GANC: variants seen among roughly 807,000 people sequenced by gnomAD.
GANC encodes the protein neutral alpha-glucosidase C.
In GANC, 117 loss-of-function variants were observed where a neutral mutation model predicts 124.2. The observed-to-expected ratio is 0.94, with a 90% CI of 0.81 to 1.10. The LOEUF (loss-of-function observed/expected upper bound fraction) is 1.10. GANC is among the 50% of genes least tolerant of loss of function. The pLI is 0.00. For missense variants in GANC, 1,140 were observed against 1,095.0 expected (o/e 1.04, Z -0.58); for synonymous variants, 377 against 376.8 (o/e 1.00, Z -0.01).
chr15:42,306,058 G>T (rs375829745), intron 6 of GANC, among the ~76,000 whole-genome samples: 1 of 148,398 alleles, frequency 6.7e-6, no homozygotes, highest in Admixed American at 6.8e-5. Flanking sequence ...ACAGAGTCTC[G>T]CTGTGTCGCC....
At chr15:42,327,652 G>C (rs1211637429) in intron 13 of GANC, among the ~76,000 whole-genome samples, 1 of 152,108 alleles carries the variant, frequency 6.6e-6, no homozygotes, top group Non-Finnish European at 1.5e-5. Context: ...CTGTGATTTT[G>C]ACCTCTATTA....
At position 42,274,359 on chromosome 15, in the gene GANC, C is replaced by A. The variant is rs1409735627; in HGVS notation, c.-123C>A. ...ATGAGAATCTGGAGGGGACTCCCTT[C>A]CCAGAAACTTGACGATGAAGTACTG... On this transcript the variant is annotated 5_prime_UTR_variant, in exon 1 of 24. Transcript: ENST00000318010. The A allele has an allele frequency of 2.0e-6, 2 of 1,019,060 alleles. No individual in the cohort carries two copies. The highest frequency in any genetic ancestry group is 2.9e-6 in the Non-Finnish European group (2 of 683,012). The allele number at this position is 1,019,060 out of a possible 1,614,324, so 63.1% of individuals were successfully genotyped here.
chr15:42,330,770 C>CTTTTTTTTT (rs71108160), intron 15 of GANC, 98 bp downstream of exon 15: 54 of 361,034 alleles, frequency 1.5e-4, no homozygotes, highest in South Asian at 3.3e-4. Context: ...CTTCCTTTTC[C>CTTTTTTTTT]TTTTTTTTTT....
intron 11 of GANC, among the ~76,000 whole-genome samples, chr15:42,322,411 G>C (rs1470594413): frequency 6.6e-6 from 1 of 152,176 alleles, no homozygotes; most frequent in Non-Finnish European, 1.5e-5. Flanking sequence ...GAGCAGGGGT[G>C]GCTCCCAAGC....
At chr15:42,344,119 C>A (rs903443844) in intron 19 of GANC, among the ~76,000 whole-genome samples, 1 of 152,252 alleles carries the variant, frequency 6.6e-6, no homozygotes, top group African/African-American at 2.4e-5. Context: ...TCTCCCTCAA[C>A]ATAGCTTTAC....
At chr15:42,327,283 C>A in intron 12 of GANC, 80 bp from the exon 13 acceptor site, 1 of 1,074,198 alleles carries the variant, frequency 9.3e-7, no homozygotes, top group South Asian at 1.6e-5. Context: ...CCAGCTCTCA[C>A]ATCTGATACC....
intron 3 of GANC, among the ~76,000 whole-genome samples, chr15:42,279,502 G>A (rs1443125827): frequency 6.6e-6 from 1 of 152,192 alleles, no homozygotes. Flanking sequence ...GAGGGTTAGG[G>A]AAGTATATCT....
chr15:42,306,970 A>G (rs1049141593), intron 7 of GANC, among the ~76,000 whole-genome samples: 2 of 152,176 alleles, frequency 1.3e-5, no homozygotes, highest in African/African-American at 4.8e-5. Flanking sequence ...ACTCTGTTGC[A>G]ACATTTCAAG....
chr15:42,278,025 G>A (rs1220724114), intron 2 of GANC: 1 of 392,460 alleles, frequency 2.5e-6, no homozygotes, highest in African/African-American at 2.0e-5. Context: ...TGTTTAATAG[G>A]AAGAAAAGCG....
chr15:42,274,387 T>G lies in GANC; in HGVS notation c.-95T>G. The G allele has an allele frequency of 2.3e-6, 3 of 1,313,410 alleles. No homozygotes were observed. The highest frequency in any genetic ancestry group is 3.2e-6 in the Non-Finnish European group (3 of 933,836). The allele number at this position is 1,313,410 out of a possible 1,614,324, so 81.4% of individuals were successfully genotyped here. On this transcript the variant is annotated 5_prime_UTR_variant, in exon 1 of 24. Coordinates refer to ENST00000318010, the MANE Select transcript of GANC (RefSeq NM_198141.3). The stretch of plus-strand genomic sequence containing the variant: ...AGAAACTTGACGATGAAGTACTGGT[T>G]GTAATTTTAGAAAGACACCCAATCG...
At position 42,326,441 on chromosome 15, in the gene GANC, T is replaced by C; in HGVS notation, c.1420+17T>C. 6.2e-7 allele frequency: 1 copy of C among 1,613,830 alleles called. No individual in the cohort carries two copies. The highest frequency in any genetic ancestry group is 8.5e-7 in the Non-Finnish European group (1 of 1,179,796). On this transcript the variant is annotated intron_variant, in intron 12 of 23. Transcript: ENST00000318010. Reference sequence around the variant, plus strand: ...GTTGGCCAGGTATGAAATCACTTTATACACTTATTATTTCCACATGTTCTG... The same window carrying C: ...GTTGGCCAGGTATGAAATCACTTTACACACTTATTATTTCCACATGTTCTG...
chr15:42,292,941 C>T, intron 5 of GANC, 24 bp downstream of exon 5: 1 of 1,600,458 alleles, frequency 6.2e-7, no homozygotes, highest in East Asian at 2.2e-5. Flanking sequence ...TTACTTGACA[C>T]ATAAAGACCT....
rs527815727 is a variant in GANC at position 42,323,451 on chromosome 15, A to G, written c.1293+1431A>G. On this transcript the variant is annotated intron_variant, in intron 11 of 23. Coordinates refer to ENST00000318010, the MANE Select transcript of GANC (RefSeq NM_198141.3). ...AGAAAGAGAAGATTGTATCCTCAAG[A>G]CTTAAGCAGGGCTTTGTTCCAGAGG... Among the ~76,000 whole-genome samples the G allele has an allele frequency of 8.5e-5, 13 of 152,208 alleles. No individual in the cohort carries two copies. In the East Asian group the frequency reaches 2.5e-3, roughly 29 times the overall value.
intron 3 of GANC, among the ~76,000 whole-genome samples, chr15:42,282,680 A>G (rs2051745482): frequency 6.6e-6 from 1 of 152,140 alleles, no homozygotes; most frequent in Non-Finnish European, 1.5e-5. Flanking sequence ...CTCCCTCTCA[A>G]TTCCCTTCCC....
At chr15:42,332,113 C>A (rs1345949141) in intron 15 of GANC, among the ~76,000 whole-genome samples, 1 of 152,054 alleles carries the variant, frequency 6.6e-6, no homozygotes. Flanking sequence ...TAACTATAGT[C>A]ACCTTACTGA....
intron 15 of GANC, among the ~76,000 whole-genome samples, chr15:42,337,009 A>C (rs1595782727): frequency 6.6e-6 from 1 of 152,276 alleles, no homozygotes; most frequent in East Asian, 1.9e-4. Flanking sequence ...TTGCAGAGAA[A>C]GGACAATGCT....
chr15:42,337,608 A>C (rs764233995), intron 15 of GANC, among the ~76,000 whole-genome samples: 1 of 152,194 alleles, frequency 6.6e-6, no homozygotes, highest in Non-Finnish European at 1.5e-5. Context: ...ACTAATGGGT[A>C]TTAGGCTTAA....
In GANC at chr15:42,338,485, G is replaced by C. The variant is rs762492478; in HGVS notation, c.1838G>C (p.Cys613Ser). The part of the protein sequence containing the change: ...LTLSITGISF[C>S]GADIGGFIGN... ...CTCAGCATTACTGGGATCTCTTTTT[G>C]CGGAGGTAAGATGAGTCCTTTGAGG... Residue 613 changes from cysteine to serine, a missense_variant, in exon 16 of 24, where the codon TGC (cysteine) becomes TCC (serine). Coordinates refer to ENST00000318010, the MANE Select transcript of GANC (RefSeq NM_198141.3). 2 of 1,609,432 alleles carry C rather than the reference G, an allele frequency of 1.2e-6. No homozygotes were observed. Among genetic ancestry groups the C allele is most frequent in the Admixed American group, 3.3e-5 (2 of 59,932 alleles).
At position 42,287,681 on chromosome 15, in the gene GANC, C is replaced by G; in HGVS notation, c.202-10C>G. 13 of 1,608,676 alleles carry G rather than the reference C, an allele frequency of 8.1e-6. No individual in the cohort carries two copies. The highest frequency in any genetic ancestry group is 1.1e-5 in the Non-Finnish European group (13 of 1,178,078). ...ACCTGTTGAAGGTAATCTCTTGTAT[C>G]TGTTTCCAGGTTCCTCTCCTGGCTG... On this transcript the variant is annotated splice_polypyrimidine_tract_variant and intron_variant, in intron 3 of 23. Transcript: ENST00000318010.
Sources: allele counts gnomAD v4.1 joint callset (sites outside exome capture counted in the v4.1 genomes callset), GRCh38; gene constraint gnomAD v4.1.1; transcripts MANE v1.5; gene names NCBI Gene and HGNC (gene_info 2026-07-23, HGNC 2026-07-21).